PRKCE: variants seen among roughly 807,000 people sequenced by gnomAD.
PRKCE encodes the protein protein kinase C epsilon, also known as protein kinase C epsilon type.
A neutral mutation model predicts 85.4 loss-of-function variants in PRKCE; 16 were observed. That is an observed-to-expected ratio of 0.19 (90% confidence interval 0.13 to 0.28). The LOEUF is 0.28. Ranked by LOEUF, PRKCE falls within the 10% of genes least tolerant of loss-of-function variation. PRKCE has a pLI of 1.00. For missense variants in PRKCE, 573 were observed against 975.2 expected (o/e 0.59, Z 5.49); for synonymous variants, 388 against 371.5 (o/e 1.04, Z -0.51).
At chr2:46,067,509 C>T (rs1206821449) in intron 10 of PRKCE, among the ~76,000 whole-genome samples, 3 of 152,160 alleles carry the variant, frequency 2.0e-5, no homozygotes, top group Admixed American at 2.0e-4. Context: ...TCGTCTCTTC[C>T]ACATGTTTGG....
intron 1 of PRKCE, among the ~76,000 whole-genome samples, chr2:45,779,248 C>A (rs886922051): frequency 6.6e-6 from 1 of 152,172 alleles, no homozygotes; most frequent in African/African-American, 2.4e-5. Flanking sequence ...TAGCTCCTGG[C>A]CAACTTGTAG....
intron 1 of PRKCE, among the ~76,000 whole-genome samples, chr2:45,704,207 A>G (rs551599181): frequency 6.6e-6 from 1 of 152,352 alleles, no homozygotes; most frequent in South Asian, 2.1e-4. Flanking sequence ...CACAGGAAAA[A>G]GAATCTATAT....
intron 1 of PRKCE, among the ~76,000 whole-genome samples, chr2:45,656,789 C>T (rs916048206): frequency 2.0e-5 from 3 of 152,198 alleles, no homozygotes; most frequent in Non-Finnish European, 2.9e-5. Context: ...CTTTGAGAAA[C>T]ATTGGGCTAG....
At chr2:45,724,002 C>A (rs949715048) in intron 1 of PRKCE, among the ~76,000 whole-genome samples, 2 of 152,216 alleles carry the variant, frequency 1.3e-5, no homozygotes, top group African/African-American at 4.8e-5. Flanking sequence ...GAGCAGCTAG[C>A]AGTCTAGAAC....
At chr2:46,095,964 G>A (rs67425308) in intron 11 of PRKCE, among the ~76,000 whole-genome samples, 26,555 of 152,210 alleles carry the variant, frequency 0.17, 2,396 homozygotes, top group Middle Eastern at 0.26. Context: ...TACAGTAGAA[G>A]CTCTTACTGT....
chr2:45,772,891 C>T (rs1026303879), intron 1 of PRKCE, among the ~76,000 whole-genome samples: 2 of 152,108 alleles, frequency 1.3e-5, no homozygotes, highest in Non-Finnish European at 2.9e-5. Context: ...CCGTGACACC[C>T]TATTGAGCCC....
At chr2:45,742,418 G>A (rs1379145706) in intron 1 of PRKCE, among the ~76,000 whole-genome samples, 1 of 146,212 alleles carries the variant, frequency 6.8e-6, no homozygotes, top group African/African-American at 2.5e-5. Flanking sequence ...CTGGGTGACA[G>A]AGAACCTATC....
At chr2:45,772,848 A>T (rs2104928595) in intron 1 of PRKCE, among the ~76,000 whole-genome samples, 1 of 152,220 alleles carries the variant, frequency 6.6e-6, no homozygotes, top group South Asian at 2.1e-4. Context: ...ATGGAAAGGC[A>T]TGCTGCATGA....
intron 2 of PRKCE, among the ~76,000 whole-genome samples, chr2:45,886,713 G>A (rs191041514): frequency 9.9e-5 from 15 of 152,276 alleles, no homozygotes; most frequent in African/African-American, 3.1e-4. Flanking sequence ...ATTGCACTTC[G>A]AGTGCTGATT....
intron 7 of PRKCE, among the ~76,000 whole-genome samples, chr2:46,002,354 C>T (rs1003057735): frequency 5.9e-5 from 9 of 152,208 alleles, no homozygotes; most frequent in Non-Finnish European, 1.3e-4. Context: ...GGCGAACATC[C>T]TCAAGCCCCC....
chr2:45,760,888 C>T (rs974130082), intron 1 of PRKCE, among the ~76,000 whole-genome samples: 1 of 152,122 alleles, frequency 6.6e-6, no homozygotes, highest in Non-Finnish European at 1.5e-5. Context: ...CGTCTGATTC[C>T]AGAGTCCAGA....
chr2:46,176,013 T>C (rs972618493), intron 14 of PRKCE, among the ~76,000 whole-genome samples: 2 of 152,026 alleles, frequency 1.3e-5, no homozygotes, highest in Non-Finnish European at 2.9e-5. Flanking sequence ...ATTCATCAGG[T>C]CTAGGATGAC....
At chr2:45,671,022 C>G (rs1408337585) in intron 1 of PRKCE, among the ~76,000 whole-genome samples, 1 of 152,148 alleles carries the variant, frequency 6.6e-6, no homozygotes, top group African/African-American at 2.4e-5. Flanking sequence ...TAGTTCATGC[C>G]CTGTAATACA....
chr2:46,079,159 G>A (rs910186244), intron 10 of PRKCE, among the ~76,000 whole-genome samples: 5 of 132,854 alleles, frequency 3.8e-5, no homozygotes, highest in African/African-American at 5.7e-5. Context: ...CTGAGTGACA[G>A]AGCAAGACTC....
At position 46,001,334 on chromosome 2, in the gene PRKCE, A is replaced by T; in HGVS notation, c.824-70A>T. 6.9e-7 allele frequency: 1 copy of T among 1,456,382 alleles called. No homozygotes were observed. Among genetic ancestry groups the T allele is most frequent in the Non-Finnish European group, 9.2e-7 (1 of 1,083,026 alleles). 90.2% of individuals were successfully genotyped at this position (1,456,382 alleles called of 1,614,324 possible). ...TAATACTTCATGAACATATAATACA[A>T]TCTCAAAGAAAAGAAGCAACATCTT... On this transcript the variant is annotated intron_variant, in intron 6 of 14. Transcript: ENST00000306156. The surrounding 1 kb of genome is among the most constrained non-coding windows in gnomAD (Gnocchi z 4.4).
rs374237020 is a variant in PRKCE, at chr2:45,857,030, CTT to C, written c.412+13969_412+13970del. ...AGTAAATGTGAGTGTGCAGATGTCT[CTT>C]TGACATTTGATTTCATTTCTTTTGG... On this transcript the variant is annotated intron_variant, in intron 2 of 14. Transcript: ENST00000306156. Among the ~76,000 whole-genome samples, 11 of 152,244 alleles carry C rather than the reference CTT, an allele frequency of 7.2e-5. No homozygotes were observed. The East Asian group carries it at 1.9e-3, about 27-fold the overall frequency.
intron 2 of PRKCE, among the ~76,000 whole-genome samples, chr2:45,877,098 T>A (rs998484644): frequency 2.6e-5 from 4 of 152,196 alleles, no homozygotes; most frequent in African/African-American, 9.6e-5. Context: ...TATTTGTTTG[T>A]TTGTTTGTTG....
chr2:46,112,484 T>C (rs920515669), intron 11 of PRKCE, among the ~76,000 whole-genome samples: 1 of 105,718 alleles, frequency 9.5e-6, no homozygotes, highest in Non-Finnish European at 2.2e-5. Context: ...CCTGTTTTTG[T>C]TTTTTTGGTT....
At chr2:46,131,846 C>G (rs1674490443) in intron 11 of PRKCE, among the ~76,000 whole-genome samples, 1 of 152,232 alleles carries the variant, frequency 6.6e-6, no homozygotes, top group African/African-American at 2.4e-5. Context: ...AACTCTCCTT[C>G]TTTCCCATTG....
Sources: allele counts gnomAD v4.1 joint callset (sites outside exome capture counted in the v4.1 genomes callset), GRCh38; gene constraint gnomAD v4.1.1; non-coding constraint Gnocchi (gnomAD v3.1); transcripts MANE v1.5; gene names NCBI Gene and HGNC (gene_info 2026-07-23, HGNC 2026-07-21).